Variants in KDM6A observed in about 807,000 individuals in gnomAD.
KDM6A encodes the protein lysine-specific demethylase 6A.
KDM6A carries 11 observed loss-of-function variants against 117.6 expected under a neutral mutation model. The ratio of observed to expected loss-of-function variants is 0.09; its 90% CI spans 0.06 to 0.15. KDM6A has a LOEUF of 0.15. KDM6A is among the 10% of genes least tolerant of loss of function. The pLI, the probability that KDM6A is intolerant of heterozygous loss-of-function variation, is 1.00. For synonymous variants in KDM6A, 384 were observed against 396.1 expected, an observed-to-expected ratio of 0.97 and a Z score of 0.36; for missense variants, 799 against 1,077.3, an observed-to-expected ratio of 0.74 and a Z score of 3.62.
At chrX:44,877,867 C>A (rs2031845715) in intron 2 of KDM6A, among the ~76,000 whole-genome samples, 1 of 111,227 alleles carries the variant, frequency 9.0e-6, no homozygotes, top group South Asian at 3.7e-4. Context: ...GACATATTAG[C>A]ATTAAAACAG....
intron 2 of KDM6A, among the ~76,000 whole-genome samples, chrX:44,956,650 T>G (rs1186082490): frequency 1.8e-5 from 2 of 111,487 alleles, no homozygotes; most frequent in Non-Finnish European, 3.8e-5. Context: ...GGAATCCTCC[T>G]GCCTTTTGCT....
At chrX:45,000,691 G>T (rs1242572422) in intron 4 of KDM6A, among the ~76,000 whole-genome samples, 1 of 113,091 alleles carries the variant, frequency 8.8e-6, no homozygotes, top group African/African-American at 3.2e-5. Flanking sequence ...TGAACTTAGT[G>T]TTGGGAGACG....
intron 2 of KDM6A, among the ~76,000 whole-genome samples, chrX:44,923,716 CTGATTGATTGAT>C (rs779070881): frequency 9.2e-6 from 1 of 108,307 alleles, no homozygotes; most frequent in African/African-American, 3.4e-5. Context: ...TCATGCCTGG[CTGATTGATTGAT>C]TGATTGATTT....
intron 4 of KDM6A, among the ~76,000 whole-genome samples, chrX:44,994,535 A>G (rs1260149017): frequency 8.9e-6 from 1 of 112,385 alleles, no homozygotes; most frequent in Admixed American, 9.4e-5. Context: ...TTGATTCTGT[A>G]TCTTGTCTAT....
chrX:44,896,137 G>A (rs1206857381), intron 2 of KDM6A, among the ~76,000 whole-genome samples: 1 of 107,767 alleles, frequency 9.3e-6, no homozygotes, highest in African/African-American at 3.4e-5. Context: ...GCAGTGGCTG[G>A]ATTTCCGCTC....
chrX:44,969,055 T>C (rs998657894), intron 3 of KDM6A, among the ~76,000 whole-genome samples: 1 of 110,801 alleles, frequency 9.0e-6, no homozygotes, highest in African/African-American at 3.3e-5. Context: ...GCAGGAGACT[T>C]AAAGGATAGA....
At chrX:45,060,397 C>T (rs1198306568) in intron 13 of KDM6A, among the ~76,000 whole-genome samples, 1 of 112,094 alleles carries the variant, frequency 8.9e-6, no homozygotes, top group Non-Finnish European at 1.9e-5. Context: ...TAAAATAATG[C>T]TACAGTGGTT....
intron 25 of KDM6A, among the ~76,000 whole-genome samples, chrX:45,087,082 C>A (rs1343051109): frequency 6.2e-5 from 7 of 112,912 alleles, no homozygotes; most frequent in African/African-American, 2.3e-4. Context: ...CCTCCGCCTC[C>A]CAGGTTCAAG....
chrX:44,981,305 T>A (rs11091131), intron 4 of KDM6A, among the ~76,000 whole-genome samples: 24,370 of 111,169 alleles, frequency 0.22, 4,351 homozygotes, highest in African/African-American at 0.61. Context: ...CCCATGACCC[T>A]CTCCTTGGTT....
At chrX:44,892,961 C>T (rs1292237643) in intron 2 of KDM6A, among the ~76,000 whole-genome samples, 1 of 102,347 alleles carries the variant, frequency 9.8e-6, no homozygotes, top group Admixed American at 1.1e-4. Flanking sequence ...TGAGATCGTG[C>T]CACAGCACTC....
At chrX:45,027,572 C>G (rs868398516) in intron 6 of KDM6A, among the ~76,000 whole-genome samples, 2 of 110,677 alleles carry the variant, frequency 1.8e-5, no homozygotes, top group African/African-American at 6.6e-5. Flanking sequence ...GTCCTATCCC[C>G]TTGCCACCCC....
At chrX:44,892,729 C>T (rs1298389147) in intron 2 of KDM6A, among the ~76,000 whole-genome samples, 1 of 107,494 alleles carries the variant, frequency 9.3e-6, no homozygotes, top group Non-Finnish European at 1.9e-5. Flanking sequence ...GTTGTCTGGG[C>T]ATGGTGGCTC....
In KDM6A at chrX:45,079,317, A is replaced by G. The variant is rs2045280121; in HGVS notation, c.3266A>G (p.Gln1089Arg). The G allele has an allele frequency of 1.7e-6, 2 of 1,189,848 alleles. No individual in the cohort carries two copies. The highest frequency in any genetic ancestry group is 1.1e-6 in the Non-Finnish European group (1 of 877,343). Residue 1089 changes from glutamine (Q) to arginine (R), a missense_variant, in exon 21 of 30, where the codon CAG becomes CGG. Gln to Arg is a conservative substitution (Grantham distance 43). Around this residue, in one of 8 missense-constraint regions of KDM6A, gnomAD observed 291 missense variants for 437.9 expected, o/e 0.66. Coordinates refer to ENST00000611820, the MANE Select transcript of KDM6A (RefSeq NM_001291415.2). ...RSHTTIAKYA[Q>R]YQASSFQESL... ...CATACTACAATTGCTAAATATGCAC[A>G]GTACCAGGCCTCCTCATTCCAGGAA...
intron 18 of KDM6A, among the ~76,000 whole-genome samples, chrX:45,073,464 A>G (rs2044961794): frequency 1.8e-5 from 2 of 111,666 alleles, no homozygotes; most frequent in Admixed American, 1.9e-4. Context: ...GTCTTCCACA[A>G]TGGTTGAGCT....
At position 44,961,488 on chromosome X, in the gene KDM6A, G is replaced by T. The variant is rs190448850; in HGVS notation, c.334+96G>T. On this transcript the variant is annotated intron_variant, in intron 3 of 29. Coordinates refer to ENST00000611820, the MANE Select transcript of KDM6A (RefSeq NM_001291415.2). Reference sequence around the variant, plus strand: ...AGAGGATTTTCCTAAGAAATTGTAAGTGCATGAGCAAACTAAACAATGAGG... The same window carrying T: ...AGAGGATTTTCCTAAGAAATTGTAATTGCATGAGCAAACTAAACAATGAGG... 6.8e-3 allele frequency: 3,791 copies of T among 555,086 alleles called. 158 individuals are homozygous for T. The Admixed American group carries it at 0.1, about 15-fold the overall frequency. The allele number at this position is 555,086 out of a possible 1,213,427, so 45.7% of individuals were successfully genotyped here.
intron 2 of KDM6A, among the ~76,000 whole-genome samples, chrX:44,919,745 A>G (rs1427179098): frequency 9.3e-6 from 1 of 108,055 alleles, no homozygotes; most frequent in African/African-American, 3.4e-5. Flanking sequence ...GGTTCAAGCA[A>G]TTCTCCTGTG....
chrX:44,949,040 A>G, intron 2 of KDM6A, among the ~76,000 whole-genome samples: 1 of 112,279 alleles, frequency 8.9e-6, no homozygotes, highest in South Asian at 3.6e-4. Flanking sequence ...TGAGATCTAT[A>G]TGTTTTGACA....
intron 18 of KDM6A, among the ~76,000 whole-genome samples, chrX:45,074,879 C>G (rs2045039591): frequency 9.0e-6 from 1 of 111,694 alleles, no homozygotes; most frequent in Admixed American, 9.5e-5. Flanking sequence ...TTAATTGTTA[C>G]AGATCTGTGT....
intron 2 of KDM6A, among the ~76,000 whole-genome samples, chrX:44,938,327 A>G (rs766913562): frequency 8.9e-5 from 10 of 111,978 alleles, no homozygotes; most frequent in African/African-American, 3.2e-4. Flanking sequence ...GAAGCAGAAC[A>G]GCCTCACTGC....
Sources: gnomAD v4.1 joint callset for allele counts (sites outside exome capture counted in the v4.1 genomes callset) on GRCh38, gnomAD v4.1.1 for gene constraint, gnomAD v4.1.1 regional missense constraint, MANE v1.5 for transcripts, NCBI Gene and HGNC (gene_info 2026-07-23, HGNC 2026-07-21) for gene names.